TOPBP1: variants seen among roughly 807,000 people sequenced by gnomAD.
The protein encoded by TOPBP1 is DNA topoisomerase 2-binding protein 1.
TOPBP1 carries 28 observed loss-of-function variants against 167.7 expected under a neutral mutation model. The observed-to-expected ratio is 0.17, with a 90% CI of 0.12 to 0.23. The LOEUF (loss-of-function observed/expected upper bound fraction) is 0.23, where lower values mean the gene tolerates loss of function less well. Ranked by LOEUF, TOPBP1 falls within the 10% of genes least tolerant of loss-of-function variation. TOPBP1 has a pLI of 1.00. For synonymous variants in TOPBP1, 598 were observed against 611.4 expected (o/e 0.98, Z 0.32); for missense variants, 1,554 against 1,809.6 (o/e 0.86, Z 2.56).
intron 2 of TOPBP1, 52 bp from the exon 3 acceptor site, chr3:133,659,202 AG>A: frequency 6.8e-7 from 1 of 1,472,050 alleles, no homozygotes; most frequent in Non-Finnish European, 9.0e-7. Context: ...TCCTGTATTT[AG>A]GTCCTATTCA....
intron 27 of TOPBP1, among the ~76,000 whole-genome samples, chr3:133,601,903 T>A (rs1056195490): frequency 1.3e-5 from 2 of 152,310 alleles, no homozygotes; most frequent in Admixed American, 1.3e-4. Context: ...AAATACCAAG[T>A]AAGTGCCTTT....
chr3:133,616,885 T>C lies in TOPBP1; in HGVS notation c.3800A>G (p.Gln1267Arg), dbSNP rs1934909822. ...CAGAGATGATAACTGAAATATGTAC[T>C]GTTTTTTTAATTCTTCATGAGTCTC... ...IEETHEELKK[Q>R]YIFQLSSLNP... The change falls in exon 23 of 28, where the codon CAG becomes CGG. Residue 1267 changes from glutamine (Q) to arginine (R), a missense_variant. Gln to Arg is a conservative substitution (Grantham distance 43). Around this residue, in one of 3 missense-constraint regions of TOPBP1, gnomAD observed 351 missense variants for 432.9 expected, o/e 0.81. Coordinates refer to ENST00000260810, the MANE Select transcript of TOPBP1 (RefSeq NM_007027.4). The C allele has an allele frequency of 1.3e-6, 2 of 1,551,934 alleles. No homozygotes were observed. The highest frequency in any genetic ancestry group is 1.2e-5 in the South Asian group (1 of 81,436).
In TOPBP1 at chr3:133,623,192, G is replaced by C. The variant is rs1449133315; in HGVS notation, c.3077C>G (p.Pro1026Arg). 1 of 1,610,980 alleles carries C rather than the reference G, an allele frequency of 6.2e-7. No homozygotes were observed. ...SAVSSTKDDE[P>R]DPLILEENDV... Reference sequence around the variant, plus strand: ...ATTTTCTTCTAAAATCAAAGGATCTGGCTATTGAAAAAGAAAAATTATAAA... The same window carrying C: ...ATTTTCTTCTAAAATCAAAGGATCTCGCTATTGAAAAAGAAAAATTATAAA... Residue 1026 changes from proline to arginine, a missense_variant and splice_region_variant, in exon 19 of 28, where the codon CCA becomes CGA. Physicochemically the swap from Pro to Arg is moderately radical, Grantham distance 103. Coordinates refer to ENST00000260810, the MANE Select transcript of TOPBP1 (RefSeq NM_007027.4).
In TOPBP1 at chr3:133,649,961, T is replaced by A. The variant is rs764361156; in HGVS notation, c.1090-18A>T. 31 of 1,541,766 alleles carry A rather than the reference T, an allele frequency of 2.0e-5. No homozygotes were observed. Among genetic ancestry groups the A allele is most frequent in the Non-Finnish European group, 2.7e-5 (31 of 1,148,718 alleles). ...AGATATATCTGCAAGAAAGAAAATA[T>A]TTAATATACATAACATGCTTTCTCT... On this transcript the variant is annotated intron_variant, in intron 8 of 27. Coordinates refer to ENST00000260810, the MANE Select transcript of TOPBP1 (RefSeq NM_007027.4).
intron 13 of TOPBP1, among the ~76,000 whole-genome samples, chr3:133,639,274 T>C (rs7623155): frequency 0.9 from 136,944 of 152,206 alleles, 61,827 homozygotes; most frequent in African/African-American, 0.97. Flanking sequence ...TGGAATACTA[T>C]GCAGCCAGAA....
intron 12 of TOPBP1, among the ~76,000 whole-genome samples, chr3:133,641,392 G>C (rs546541946): frequency 4.3e-4 from 66 of 152,246 alleles, no homozygotes; most frequent in East Asian, 3.9e-4. Flanking sequence ...CTGAGACAGG[G>C]TCTTGCTCTG....
chr3:133,628,100 G>A (rs1257700007), intron 16 of TOPBP1: 2 of 392,204 alleles, frequency 5.1e-6, no homozygotes, highest in Non-Finnish European at 9.3e-6. Context: ...CAGGTTTCTA[G>A]AATAGTTAGT....
At chr3:133,624,324 C>T (rs1423775824) in intron 16 of TOPBP1, 149 bp from the exon 17 acceptor site, 2 of 865,260 alleles carry the variant, frequency 2.3e-6, no homozygotes, top group African/African-American at 1.7e-5. Context: ...CAGGCTCAAG[C>T]CAAGTGATAC....
At chr3:133,605,488 A>AATGT (rs10636886) in intron 27 of TOPBP1, among the ~76,000 whole-genome samples, 136,604 of 151,864 alleles carry the variant, frequency 0.9, 61,660 homozygotes, top group African/African-American at 0.97. Flanking sequence ...AACATTTGAA[A>AATGT]ATGTAATTCC....
At chr3:133,640,955 C>T (rs539455593) in intron 12 of TOPBP1, among the ~76,000 whole-genome samples, 7 of 152,146 alleles carry the variant, frequency 4.6e-5, no homozygotes, top group South Asian at 2.1e-4. Context: ...ACAGAGAATA[C>T]GGGGCAGAAA....
In TOPBP1 at chr3:133,649,816, T is replaced by C; in HGVS notation, c.1217A>G (p.Asp406Gly). 6.2e-7 allele frequency: 1 copy of C among 1,607,470 alleles called. No homozygotes were observed. The highest frequency in any genetic ancestry group is 8.5e-7 in the Non-Finnish European group (1 of 1,178,494). ...TTTATTCCAAAACTGCTTCAATTCA[T>C]CATCATAATCTCCCACAATAACATG... ...VTHVIVGDYD[D>G]ELKQFWNKSA... is the part of the protein sequence containing the mutation. Residue 406 changes from aspartate (D) to glycine (G), a missense_variant, in exon 9 of 28, where the codon GAT becomes GGT. Asp to Gly is a moderately conservative substitution (Grantham distance 94). Coordinates refer to ENST00000260810, the MANE Select transcript of TOPBP1 (RefSeq NM_007027.4).
At chr3:133,621,124 G>A (rs1935075951) in intron 19 of TOPBP1, among the ~76,000 whole-genome samples, 1 of 152,116 alleles carries the variant, frequency 6.6e-6, no homozygotes, top group South Asian at 2.1e-4. Context: ...TGATCCTCCA[G>A]CCTCAGCAAC....
At chr3:133,628,832 G>T (rs1036402261) in intron 14 of TOPBP1, 99 bp from the exon 15 acceptor site, 2 of 1,241,888 alleles carry the variant, frequency 1.6e-6, no homozygotes, top group African/African-American at 1.5e-5. Flanking sequence ...GAGGAGAGAG[G>T]GGTAAAGAGA....
At chr3:133,606,517 T>C (rs1218916695) in intron 27 of TOPBP1, among the ~76,000 whole-genome samples, 3 of 119,620 alleles carry the variant, frequency 2.5e-5, no homozygotes, top group African/African-American at 9.1e-5. Flanking sequence ...TTTTTTTTTG[T>C]AGAAACTAAC....
chr3:133,623,346 G>C lies in TOPBP1; in HGVS notation c.3040C>G (p.Leu1014Val), dbSNP rs768785490. ...TTTGTTGAAGACACAGCTGAGAGTAGTCGACTATTACAGAGCCGGCCATCT... is the reference window on the plus strand; with the variant it reads ...TTTGTTGAAGACACAGCTGAGAGTACTCGACTATTACAGAGCCGGCCATCT... ...VQDGRLCNSR[L>V]LSAVSSTKDD... Residue 1014 changes from leucine (L) to valine (V), a missense_variant, in exon 18 of 28, where the codon CTA (leucine) becomes GTA (valine). Transcript: ENST00000260810. 6.2e-6 allele frequency: 10 copies of C among 1,613,548 alleles called. No homozygotes were observed. Among genetic ancestry groups the C allele is most frequent in the Middle Eastern group, 1.6e-4 (1 of 6,082 alleles).
At chr3:133,604,578 A>C (rs1934427678) in intron 27 of TOPBP1, among the ~76,000 whole-genome samples, 1 of 151,948 alleles carries the variant, frequency 6.6e-6, no homozygotes, top group Non-Finnish European at 1.5e-5. Flanking sequence ...AGAAAATAGG[A>C]AAAGCGCTGT....
intron 16 of TOPBP1, among the ~76,000 whole-genome samples, chr3:133,624,897 A>G (rs1559815561): frequency 1.3e-5 from 2 of 152,222 alleles, no homozygotes; most frequent in Non-Finnish European, 2.9e-5. Flanking sequence ...AATGATAGAG[A>G]TAACTTTGAC....
Position 133,616,069 on chromosome 3 carries a change from G to T in TOPBP1, c.3871+745C>A, listed in dbSNP as rs927276600. ...GAGAGCCTGACAACCAGTGGAATAAGAATAATGTTACATAAGAAGGAGCTC... is the reference window on the plus strand; with the variant it reads ...GAGAGCCTGACAACCAGTGGAATAATAATAATGTTACATAAGAAGGAGCTC... On this transcript the variant is annotated intron_variant, in intron 23 of 27. Coordinates refer to ENST00000260810, the MANE Select transcript of TOPBP1 (RefSeq NM_007027.4). 3.3e-5 allele frequency among the ~76,000 whole-genome samples: 5 copies of T among 151,634 alleles called. No homozygotes were observed. The East Asian group carries it at 7.8e-4, about 24-fold the overall frequency.
chr3:133,650,474 T>C (rs1255948304), intron 8 of TOPBP1, among the ~76,000 whole-genome samples: 1 of 152,098 alleles, frequency 6.6e-6, no homozygotes, highest in Non-Finnish European at 1.5e-5. Flanking sequence ...GATGTTACCT[T>C]ACTCACAGAG....
Sources: gnomAD v4.1 joint callset for allele counts (sites outside exome capture counted in the v4.1 genomes callset) on GRCh38, gnomAD v4.1.1 for gene constraint, gnomAD v4.1.1 regional missense constraint, MANE v1.5 for transcripts, NCBI Gene and HGNC (gene_info 2026-07-23, HGNC 2026-07-21) for gene names.